Variants in GINS2 observed in about 807,000 individuals in gnomAD.
The protein encoded by GINS2 is DNA replication complex GINS protein PSF2.
In GINS2, 23 loss-of-function variants were observed where a neutral mutation model predicts 21.2. That is an observed-to-expected ratio of 1.08 (90% CI 0.78 to 1.53). GINS2 has a LOEUF of 1.53. Ranked by LOEUF, GINS2 falls within the 40% of genes most tolerant of loss-of-function variation. The probability of loss-of-function intolerance (pLI) is 0.00; values close to 1 mark genes in which losing one functional copy is unlikely to be tolerated. For synonymous variants in GINS2, 118 were observed against 85.6 expected, an observed-to-expected ratio of 1.38 and a Z score of -2.09; for missense variants, 323 against 233.9, an observed-to-expected ratio of 1.38 and a Z score of -2.49.
chr16:85,681,536 C>G (rs767398660), intron 3 of GINS2, 46 bp downstream of exon 3: 8 of 1,106,204 alleles, frequency 7.2e-6, no homozygotes, highest in Non-Finnish European at 1.1e-5. Flanking sequence ...AAGGGCATGG[C>G]GAGTCCAGTC....
At chr16:85,687,599 G>GTT in intron 1 of GINS2, 25 bp from the exon 2 acceptor site, 1 of 1,368,808 alleles carries the variant, frequency 7.3e-7, no homozygotes, top group Non-Finnish European at 1.0e-6. Flanking sequence ...ACAATTCCCC[G>GTT]TAAGATTGAA....
intron 1 of GINS2, chr16:85,688,155 G>T: frequency 6.6e-6 from 1 of 152,298 alleles, no homozygotes; most frequent in East Asian, 1.9e-4. Flanking sequence ...AAAACAAACA[G>T]AGGCAAAGCC....
rs1321627514 is a variant in GINS2, at chr16:85,678,659, C to G, written c.313G>C (p.Asp105His). The G allele has an allele frequency of 1.2e-6, 2 of 1,613,654 alleles. No homozygotes were observed. Among genetic ancestry groups the G allele is most frequent in the Admixed American group, 1.7e-5 (1 of 60,006 alleles). ...LTKLLLNHAS[D>H]NIPKADEIRT... ...ATTTCGTCTGCCTTCGGGATGTTGTCTGAAGCACTAAAGGAGCAAGGGCTA... is the reference window on the plus strand; with the variant it reads ...ATTTCGTCTGCCTTCGGGATGTTGTGTGAAGCACTAAAGGAGCAAGGGCTA... Residue 105 changes from aspartate (D) to histidine (H), a missense_variant, in exon 4 of 5, where the codon GAC becomes CAC. Physicochemically the swap from Asp to His is moderately conservative, Grantham distance 81. Transcript: ENST00000253462.
In GINS2 at chr16:85,676,273, C is replaced by T. The variant is rs900390872; in HGVS notation, c.*1939G>A. 2 of 152,318 alleles carry T rather than the reference C, an allele frequency of 1.3e-5. No individual in the cohort carries two copies. Among genetic ancestry groups the T allele is most frequent in the Admixed American group, 1.3e-4 (2 of 15,284 alleles). 9.4% of individuals were successfully genotyped at this position (152,318 alleles called of 1,614,324 possible). On this transcript the variant is annotated 3_prime_UTR_variant, in exon 5 of 5. Transcript: ENST00000253462. ...GAAAAGCTCAATAACTATACATCTC[C>T]GCAGACGGAGCTGCCTCCACTGGCT... is the stretch of plus-strand genomic sequence containing the variant.
rs1044283038 is a variant in GINS2 at position 85,681,562 on chromosome 16, A to C, written c.305+20T>G. On this transcript the variant is annotated intron_variant, in intron 3 of 4. Coordinates refer to ENST00000253462, the MANE Select transcript of GINS2 (RefSeq NM_016095.3). ...GAGTCCAGTCTTGGGTGTGGCCTCT[A>C]AGAGGTGAGATCTACTTACTGATTT... is the stretch of plus-strand genomic sequence containing the variant. The C allele has an allele frequency of 1.4e-6, 2 of 1,414,306 alleles. No individual in the cohort carries two copies. 87.6% of individuals were successfully genotyped at this position (1,414,306 alleles called of 1,614,324 possible). A position where few individuals can be genotyped will look rare whatever the true frequency, so the allele number is the denominator to read the frequency against.
rs201188185 is a variant in GINS2, at chr16:85,678,639, G to A, written c.333C>T (p.Asp111=). 10 of 1,613,762 alleles carry A rather than the reference G, an allele frequency of 6.2e-6. No individual in the cohort carries two copies. The highest frequency in any genetic ancestry group is 1.7e-4 in the Middle Eastern group (1 of 6,060). The change falls in exon 4 of 5, where the codon GAC becomes GAT. Residue 111 remains aspartate, a synonymous_variant. Coordinates refer to ENST00000253462, the MANE Select transcript of GINS2 (RefSeq NM_016095.3). ...NHASDNIPKA[D]EIRTLVKDMW... is the part of the protein sequence containing the mutation. ...TATCCTTGACCAGGGTCCGGATTTC[G>A]TCTGCCTTCGGGATGTTGTCTGAAG...
At chr16:85,686,417 CAA>C (rs35890264) in intron 2 of GINS2, among the ~76,000 whole-genome samples, 1,190 of 110,816 alleles carry the variant, frequency 0.011, 13 homozygotes, top group African/African-American at 0.032. Context: ...GACTCTGTCT[CAA>C]AAAAAAAAAA....
chr16:85,678,492 AATT>A, intron 4 of GINS2, 45 bp downstream of exon 4: 3 of 1,600,468 alleles, frequency 1.9e-6, no homozygotes, highest in Non-Finnish European at 2.6e-6. Context: ...AGCCATGTGA[AATT>A]ATGCGGCATC....
intron 2 of GINS2, 148 bp from the exon 3 acceptor site, chr16:85,681,829 CATT>C: frequency 1.7e-6 from 1 of 597,524 alleles, no homozygotes; most frequent in Non-Finnish European, 3.0e-6. Context: ...ACATTTGTAT[CATT>C]ATCTAGATGA....
At chr16:85,683,748 C>G (rs60676374) in intron 2 of GINS2, among the ~76,000 whole-genome samples, 7,391 of 152,218 alleles carry the variant, frequency 0.049, 467 homozygotes, top group East Asian at 0.18. Flanking sequence ...CACCAACCTT[C>G]TCTACACAGC....
Position 85,678,562 on chromosome 16 carries a change from C to G in GINS2, c.410G>C (p.Arg137Thr), listed in dbSNP as rs767344545. The G allele has an allele frequency of 1.9e-5, 31 of 1,613,862 alleles. No individual in the cohort carries two copies. The highest frequency in any genetic ancestry group is 2.5e-5 in the Non-Finnish European group (30 of 1,179,972). The change falls in exon 4 of 5, where the codon AGA (arginine) becomes ACA (threonine). Residue 137 changes from arginine (R) to threonine (T), a missense_variant. Arg to Thr is a moderately conservative substitution (Grantham distance 71). Transcript: ENST00000253462. ...TACCTTGGCATGTGCCTCCTGCTGT[C>G]TCACAAAGCTGTCAGCAGACACTCG... Reference protein sequence around the residue: ...KLRVSADSFVRQQEAHAKLDN... With the variant: ...KLRVSADSFVTQQEAHAKLDN...
chr16:85,678,694 G>A (rs202160027), intron 3 of GINS2, 28 bp from the exon 4 acceptor site: 760 of 1,606,454 alleles, frequency 4.7e-4, no homozygotes, highest in Admixed American at 6.0e-4. Flanking sequence ...AAAGTCAGTC[G>A]GGGAACACTT....
Position 85,684,028 on chromosome 16 carries a change from G to C in GINS2, c.206-2347C>G, listed in dbSNP as rs11641573. On this transcript the variant is annotated intron_variant, in intron 2 of 4. Transcript: ENST00000253462. Reference sequence around the variant, plus strand: ...AGAAACATATCCATGAAAAGACGTGGACAAGAATATTCACAAAAGCCTTAT... The same window carrying C: ...AGAAACATATCCATGAAAAGACGTGCACAAGAATATTCACAAAAGCCTTAT... Among the ~76,000 whole-genome samples, 667 of 152,268 alleles carry C rather than the reference G, an allele frequency of 4.4e-3. 4 individuals carry two copies. The highest frequency in any genetic ancestry group is 0.01 in the Middle Eastern group (3 of 294).
chr16:85,687,822 G>C lies in GINS2; in HGVS notation c.91-248C>G, dbSNP rs1598764258. ...GATGCAAGTCTCCCCTGAGTGGGTG[G>C]GGGGCGCTCCCTCTCCCGCCTGCAC... On this transcript the variant is annotated intron_variant, in intron 1 of 4. Transcript: ENST00000253462. 7 of 367,656 alleles carry C rather than the reference G, an allele frequency of 1.9e-5. No individual in the cohort carries two copies. The East Asian group carries it at 2.8e-4, about 14-fold the overall frequency. 22.8% of individuals were successfully genotyped at this position (367,656 alleles called of 1,614,324 possible). A position where few individuals can be genotyped will look rare whatever the true frequency, so the allele number is the denominator to read the frequency against.
intron 3 of GINS2, 123 bp from the exon 4 acceptor site, chr16:85,678,789 T>G: frequency 2.1e-6 from 2 of 943,174 alleles, no homozygotes; most frequent in Non-Finnish European, 3.2e-6. Context: ...CTGTTTTGCT[T>G]TATTTTCAAC....
intron 2 of GINS2, among the ~76,000 whole-genome samples, chr16:85,684,152 G>C (rs2053756478): frequency 6.6e-6 from 1 of 152,180 alleles, no homozygotes; most frequent in Admixed American, 6.5e-5. Flanking sequence ...AAACCAGTCT[G>C]AGCAACAAAG....
chr16:85,688,277 G>C (rs1021966503), intron 1 of GINS2, among the ~76,000 whole-genome samples: 1 of 152,026 alleles, frequency 6.6e-6, no homozygotes, highest in African/African-American at 2.4e-5. Flanking sequence ...GCCGGGCGCA[G>C]TGGCTCCCGC....
chr16:85,685,227 C>G (rs1368260435), intron 2 of GINS2, among the ~76,000 whole-genome samples: 2 of 152,226 alleles, frequency 1.3e-5, no homozygotes, highest in East Asian at 3.8e-4. Flanking sequence ...GGGGAACTCT[C>G]CACACCTTCT....
chr16:85,679,830 G>C (rs1456405758), intron 3 of GINS2, among the ~76,000 whole-genome samples: 1 of 152,162 alleles, frequency 6.6e-6, no homozygotes, highest in African/African-American at 2.4e-5. Context: ...AGGTCCCTCT[G>C]AGGCCACATG....
Sources: allele counts gnomAD v4.1 joint callset (sites outside exome capture counted in the v4.1 genomes callset), GRCh38; gene constraint gnomAD v4.1.1; transcripts MANE v1.5; gene names NCBI Gene and HGNC (gene_info 2026-07-23, HGNC 2026-07-21).